LDB2: variants seen among roughly 807,000 people sequenced by gnomAD.
LDB2 encodes the protein LIM domain binding 2, also known as LIM domain-binding protein 2.
Under a neutral mutation model 44.3 loss-of-function variants are expected in LDB2, and 12 were observed. The ratio of observed to expected loss-of-function variants is 0.27; its 90% CI spans 0.17 to 0.44. LDB2 has a LOEUF of 0.44. Ranked by LOEUF, LDB2 falls within the 20% of genes least tolerant of loss-of-function variation. The pLI, the probability that LDB2 is intolerant of heterozygous loss-of-function variation, is 1.00. For synonymous variants in LDB2, 164 were observed against 174.8 expected (o/e 0.94, Z 0.49); for missense variants, 344 against 473.5 (o/e 0.73, Z 2.54).
At chr4:16,525,729 C>T (rs1727974611) in intron 5 of LDB2, among the ~76,000 whole-genome samples, 2 of 152,052 alleles carry the variant, frequency 1.3e-5, no homozygotes, top group African/African-American at 4.8e-5. Flanking sequence ...ATTAAATAAA[C>T]AAAAGATATA....
chr4:16,774,124 C>T (rs1579540205), intron 1 of LDB2, among the ~76,000 whole-genome samples: 2 of 145,270 alleles, frequency 1.4e-5, no homozygotes, highest in South Asian at 2.2e-4. Context: ...CATTGCACTC[C>T]AGCCTGGCAA....
chr4:16,876,783 C>T (rs1718522127), intron 1 of LDB2, among the ~76,000 whole-genome samples: 1 of 152,012 alleles, frequency 6.6e-6, no homozygotes, highest in Non-Finnish European at 1.5e-5. Flanking sequence ...AAGGCTATTT[C>T]TAGAAATAAG....
chr4:16,652,541 T>C (rs1259507968), intron 2 of LDB2, among the ~76,000 whole-genome samples: 1 of 152,052 alleles, frequency 6.6e-6, no homozygotes, highest in Non-Finnish European at 1.5e-5. Context: ...GCCACCCCAT[T>C]TGTGGGGTAA....
chr4:16,743,862 A>G (rs1251250660), intron 2 of LDB2, among the ~76,000 whole-genome samples: 1 of 152,200 alleles, frequency 6.6e-6, no homozygotes, highest in Non-Finnish European at 1.5e-5. Context: ...ACTGTGAGAT[A>G]ATACATGTGT....
chr4:16,664,547 G>C (rs552039763), intron 2 of LDB2, among the ~76,000 whole-genome samples: 5 of 152,146 alleles, frequency 3.3e-5, no homozygotes, highest in East Asian at 3.9e-4. Flanking sequence ...ACTGTGAAAG[G>C]GTTCTTGATT....
chr4:16,752,270 T>C, intron 2 of LDB2: 1 of 315,038 alleles, frequency 3.2e-6, no homozygotes. Flanking sequence ...ACATATAAGT[T>C]GCCCAAATAA....
intron 2 of LDB2, among the ~76,000 whole-genome samples, chr4:16,666,240 T>G (rs1389064611): frequency 6.6e-6 from 1 of 152,192 alleles, no homozygotes; most frequent in African/African-American, 2.4e-5. Context: ...GCTGTGCAGG[T>G]TACAGGTGTT....
At chr4:16,812,782 G>C (rs976440266) in intron 1 of LDB2, among the ~76,000 whole-genome samples, 1 of 151,626 alleles carries the variant, frequency 6.6e-6, no homozygotes, top group African/African-American at 2.4e-5. Flanking sequence ...TATAAAAATA[G>C]TGTGATATTT....
Position 16,677,932 on chromosome 4 carries a change from G to A in LDB2, c.235+81226C>T, listed in dbSNP as rs186725032. ...CTGCCTGAATTAGAATGTCAGTTTC[G>A]GCAAAATTTACATTGAAGGGTCTGA... On this transcript the variant is annotated intron_variant, in intron 2 of 7. Transcript: ENST00000304523. Among the ~76,000 whole-genome samples, 14 of 152,252 alleles carry A rather than the reference G, an allele frequency of 9.2e-5. No individual in the cohort carries two copies. In the East Asian group the frequency reaches 9.6e-4, roughly 10 times the overall value.
chr4:16,684,790 T>C (rs1748809833), intron 2 of LDB2, among the ~76,000 whole-genome samples: 1 of 152,222 alleles, frequency 6.6e-6, no homozygotes, highest in Non-Finnish European at 1.5e-5. Flanking sequence ...TCTAGGCCAA[T>C]AACAAGTATT....
chr4:16,637,299 A>ATTTTTGTT (rs1733861642), intron 2 of LDB2, among the ~76,000 whole-genome samples: 1 of 85,482 alleles, frequency 1.2e-5, no homozygotes, highest in Non-Finnish European at 2.0e-5. Context: ...GCCTAGGCTG[A>ATTTTTGTT]TTTTTTTTTT....
At position 16,546,917 on chromosome 4, in the gene LDB2, G is replaced by A. The variant is rs540426570; in HGVS notation, c.616-34813C>T. 1.8e-3 allele frequency among the ~76,000 whole-genome samples: 280 copies of A among 152,132 alleles called. 1 individual carries two copies. The highest frequency in any genetic ancestry group is 6.5e-3 in the African/African-American group (270 of 41,490). On this transcript the variant is annotated intron_variant, in intron 5 of 7. Coordinates refer to ENST00000304523, the MANE Select transcript of LDB2 (RefSeq NM_001290.5). The stretch of plus-strand genomic sequence containing the variant: ...TTGCCCCACTCTTCTGCTCTAGGTC[G>A]ACTTGCCTCTTCACTCAAGACCTTC...
chr4:16,828,284 T>C (rs1235723398), intron 1 of LDB2, among the ~76,000 whole-genome samples: 1 of 152,228 alleles, frequency 6.6e-6, no homozygotes, highest in East Asian at 1.9e-4. Flanking sequence ...ATCAATACAT[T>C]CCTGCATTCC....
At chr4:16,610,039 T>A (rs1383526089) in intron 2 of LDB2, among the ~76,000 whole-genome samples, 1 of 151,866 alleles carries the variant, frequency 6.6e-6, no homozygotes, top group Non-Finnish European at 1.5e-5. Flanking sequence ...TTGAGTGACA[T>A]CTCCAGGCAT....
At chr4:16,813,389 A>G (rs1435430889) in intron 1 of LDB2, among the ~76,000 whole-genome samples, 1 of 152,182 alleles carries the variant, frequency 6.6e-6, no homozygotes, top group Non-Finnish European at 1.5e-5. Flanking sequence ...CTTCAATGAG[A>G]GCCCAATGCA....
intron 2 of LDB2, among the ~76,000 whole-genome samples, chr4:16,758,337 C>G (rs570998689): frequency 6.6e-6 from 1 of 152,300 alleles, no homozygotes; most frequent in South Asian, 2.1e-4. Context: ...CATTCCATGG[C>G]TGGTTCCCTC....
chr4:16,637,510 G>T (rs1394880096), intron 2 of LDB2, among the ~76,000 whole-genome samples: 3 of 151,936 alleles, frequency 2.0e-5, no homozygotes, highest in Non-Finnish European at 4.4e-5. Flanking sequence ...TGCAGGGCTG[G>T]CTACGTGGTC....
At chr4:16,601,994 G>C (rs73236827) in intron 2 of LDB2, among the ~76,000 whole-genome samples, 4 of 152,254 alleles carry the variant, frequency 2.6e-5, no homozygotes, top group Non-Finnish European at 5.9e-5. Flanking sequence ...TGAAGGGAAT[G>C]CAAGTCGAAT....
chr4:16,517,266 T>G (rs1724102605), intron 5 of LDB2, among the ~76,000 whole-genome samples: 1 of 152,088 alleles, frequency 6.6e-6, no homozygotes, highest in Non-Finnish European at 1.5e-5. Context: ...CCATCGACTC[T>G]AGGAAGAGTC....
Sources: allele counts gnomAD v4.1 joint callset (sites outside exome capture counted in the v4.1 genomes callset), GRCh38; gene constraint gnomAD v4.1.1; transcripts MANE v1.5; gene names NCBI Gene and HGNC (gene_info 2026-07-23, HGNC 2026-07-21).